SCN8A: variants seen among roughly 807,000 people sequenced by gnomAD.
SCN8A encodes sodium voltage-gated channel alpha subunit 8, also known as sodium channel protein type 8 subunit alpha.
SCN8A carries 30 observed loss-of-function variants against 184.1 expected under a neutral mutation model. The ratio of observed to expected loss-of-function variants is 0.16; its 90% CI spans 0.12 to 0.22. The LOEUF (loss-of-function observed/expected upper bound fraction) is 0.22. Ranked by LOEUF, SCN8A falls within the 10% of genes least tolerant of loss-of-function variation. SCN8A has a pLI of 1.00. For missense variants in SCN8A, 1,057 were observed against 2,498.9 expected (o/e 0.42, Z 12.30); for synonymous variants, 852 against 907.0 (o/e 0.94, Z 1.09).
intron 12 of SCN8A, among the ~76,000 whole-genome samples, chr12:51,729,984 C>T (rs950968260): frequency 6.6e-6 from 1 of 151,686 alleles, no homozygotes; most frequent in Admixed American, 6.6e-5. Context: ...ATCTTTTGCC[C>T]CTTTTTTGAC....
chr12:51,649,321 G>A lies in SCN8A; in HGVS notation c.-54-13443G>A, dbSNP rs149923234. On this transcript the variant is annotated intron_variant, in intron 1 of 26. Coordinates refer to ENST00000627620, the MANE Select transcript of SCN8A (RefSeq NM_001330260.2). ...TTGGTCGGTAGATCTACCATTCTGGGGTCTGGAGGACGGTGGCCCTCTTCT... is the reference window on the plus strand; with the variant it reads ...TTGGTCGGTAGATCTACCATTCTGGAGTCTGGAGGACGGTGGCCCTCTTCT... 9.2e-5 allele frequency among the ~76,000 whole-genome samples: 14 copies of A among 152,272 alleles called. No homozygotes were observed. In the East Asian group the frequency reaches 2.7e-3, roughly 29 times the overall value.
At chr12:51,716,339 G>A (rs1320817096) in intron 11 of SCN8A, among the ~76,000 whole-genome samples, 1 of 152,138 alleles carries the variant, frequency 6.6e-6, no homozygotes, top group Non-Finnish European at 1.5e-5. Context: ...GCAACAGAGT[G>A]AGACCCTGTC....
chr12:51,667,780 G>A (rs73297643), intron 2 of SCN8A, among the ~76,000 whole-genome samples: 1 of 152,064 alleles, frequency 6.6e-6, no homozygotes, highest in Non-Finnish European at 1.5e-5. Flanking sequence ...GTTGATATAT[G>A]TGTCTTTTTT....
intron 1 of SCN8A, among the ~76,000 whole-genome samples, chr12:51,641,417 G>C (rs1940451491): frequency 6.6e-6 from 1 of 152,114 alleles, no homozygotes; most frequent in Admixed American, 6.5e-5. Flanking sequence ...TCCTGAATGA[G>C]AAATACCATA....
At chr12:51,733,301 A>G (rs746141620) in intron 12 of SCN8A, among the ~76,000 whole-genome samples, 2 of 152,186 alleles carry the variant, frequency 1.3e-5, no homozygotes, top group Admixed American at 1.3e-4. Context: ...TTCAACGTCA[A>G]TTGAAATGAT....
At chr12:51,721,497 T>C in intron 11 of SCN8A, 49 bp from the exon 12 acceptor site, 1 of 1,526,860 alleles carries the variant, frequency 6.5e-7, no homozygotes, top group Non-Finnish European at 8.8e-7. Context: ...AGGTCCACAC[T>C]CCCGTCTCAT....
rs755523864 is a variant in SCN8A at position 51,639,142 on chromosome 12, C to A, written c.-54-23622C>A. 4.7e-4 allele frequency among the ~76,000 whole-genome samples: 71 copies of A among 151,984 alleles called. 1 individual carries two copies. The highest frequency in any genetic ancestry group is 2.4e-4 in the Non-Finnish European group (16 of 67,996). On this transcript the variant is annotated intron_variant, in intron 1 of 26. Coordinates refer to ENST00000627620, the MANE Select transcript of SCN8A (RefSeq NM_001330260.2). ...TACAGGCTTCAGCCACCACACCTGG[C>A]TAATTTTTGTATTTTTTTGTAGAGA...
At chr12:51,788,622 C>G in intron 22 of SCN8A, 73 bp from the exon 23 acceptor site, 1 of 1,231,898 alleles carries the variant, frequency 8.1e-7, no homozygotes, top group Admixed American at 2.1e-5. Flanking sequence ...TAAGCCTGGC[C>G]TTTGGGACCC....
rs1008866031 is a variant in SCN8A, at chr12:51,769,808, A to T, written c.3373-60A>T. The T allele has an allele frequency of 2.1e-5, 22 of 1,055,462 alleles. No homozygotes were observed. In the South Asian group the frequency reaches 2.8e-4, roughly 14 times the overall value. The allele number at this position is 1,055,462 out of a possible 1,614,324, so 65.4% of individuals were successfully genotyped here. On this transcript the variant is annotated intron_variant, in intron 17 of 26. Transcript: ENST00000627620. ...CATCCCCACCAGAGGCAGAGTTCTCAGTGTGGAGTGGGCATGTTGCCTCAG... is the reference window on the plus strand; with the variant it reads ...CATCCCCACCAGAGGCAGAGTTCTCTGTGTGGAGTGGGCATGTTGCCTCAG...
chr12:51,601,225 C>T (rs1939456558), intron 1 of SCN8A, among the ~76,000 whole-genome samples: 1 of 152,180 alleles, frequency 6.6e-6, no homozygotes, highest in South Asian at 2.1e-4. Context: ...TGGATGTTCT[C>T]ATGCAAGTAA....
At chr12:51,618,508 C>CACAG (rs3221206) in intron 1 of SCN8A, among the ~76,000 whole-genome samples, 2 of 127,018 alleles carry the variant, frequency 1.6e-5, no homozygotes, top group African/African-American at 6.0e-5. Flanking sequence ...CACACACACA[C>CACAG]AGAAAGAAAA....
chr12:51,656,786 T>G (rs1416361833), intron 1 of SCN8A, among the ~76,000 whole-genome samples: 2 of 150,970 alleles, frequency 1.3e-5, no homozygotes, highest in African/African-American at 2.4e-5. Context: ...AAAACCACAG[T>G]GAGGTACCAC....
intron 1 of SCN8A, among the ~76,000 whole-genome samples, chr12:51,637,083 C>T (rs570290666): frequency 2.0e-5 from 3 of 152,070 alleles, no homozygotes; most frequent in South Asian, 2.1e-4. Flanking sequence ...TCTGTTATGG[C>T]GATCAGTGAT....
At chr12:51,780,561 CTTTCTTTT>C (rs1937870171) in intron 20 of SCN8A, 80 bp from the exon 21 acceptor site, 2 of 457,854 alleles carry the variant, frequency 4.4e-6, no homozygotes, top group African/African-American at 2.2e-4. Context: ...CCTCTGTTTT[CTTTCTTTT>C]TTTTTTTTTT....
chr12:51,741,033 A>C (rs1942413753), intron 12 of SCN8A, among the ~76,000 whole-genome samples: 1 of 152,024 alleles, frequency 6.6e-6, no homozygotes, highest in Admixed American at 6.5e-5. Context: ...AAACCCACCC[A>C]CCTGGACCTC....
At chr12:51,747,044 AT>A (rs1302872581) in intron 13 of SCN8A, among the ~76,000 whole-genome samples, 2 of 144,802 alleles carry the variant, frequency 1.4e-5, no homozygotes, top group African/African-American at 5.2e-5. Flanking sequence ...GAGACAAGTT[AT>A]TTTTTTAGTC....
In SCN8A at chr12:51,674,446, C is replaced by T. The variant is rs573727887; in HGVS notation, c.277-9728C>T. 3.9e-5 allele frequency among the ~76,000 whole-genome samples: 6 copies of T among 152,274 alleles called. No individual in the cohort carries two copies. The East Asian group carries it at 1.2e-3, about 29-fold the overall frequency. On this transcript the variant is annotated intron_variant, in intron 2 of 26. Transcript: ENST00000627620. Reference sequence around the variant, plus strand: ...CTCCCGGGTTCAAATGATTCTCCTGCCTCAGCCTCCCTAGTAGCTGGGATT... The same window carrying T: ...CTCCCGGGTTCAAATGATTCTCCTGTCTCAGCCTCCCTAGTAGCTGGGATT...
chr12:51,659,393 A>G (rs1425418221), intron 1 of SCN8A, among the ~76,000 whole-genome samples: 1 of 152,226 alleles, frequency 6.6e-6, no homozygotes, highest in Non-Finnish European at 1.5e-5. Flanking sequence ...TTACACAGGC[A>G]CATACATATG....
intron 20 of SCN8A, among the ~76,000 whole-genome samples, 194 bp from the exon 21 acceptor site, chr12:51,780,455 C>G (rs147347675): frequency 6.6e-6 from 1 of 151,286 alleles, no homozygotes; most frequent in East Asian, 2.0e-4. Flanking sequence ...TCATTTGAGT[C>G]AAGTTGAAAT....
Sources: gnomAD v4.1 joint callset for allele counts (sites outside exome capture counted in the v4.1 genomes callset) on GRCh38, gnomAD v4.1.1 for gene constraint, MANE v1.5 for transcripts, NCBI Gene and HGNC (gene_info 2026-07-23, HGNC 2026-07-21) for gene names.